The following TEX29 variants were observed in gnomAD, a reference collection of about 807,000 sequenced individuals.
TEX29 encodes testis-expressed protein 29.
Under a neutral mutation model 18.2 loss-of-function variants are expected in TEX29, and 26 were observed. The observed-to-expected ratio is 1.43, with a 90% CI of 1.04 to 1.98. The LOEUF (loss-of-function observed/expected upper bound fraction) is 1.98. Among genes scored for constraint, TEX29 ranks in the 30% most tolerant of loss-of-function variants. The pLI, the probability that TEX29 is intolerant of heterozygous loss-of-function variation, is 0.00. For synonymous variants in TEX29, 83 were observed against 78.5 expected (o/e 1.06, Z -0.31); for missense variants, 177 against 194.2 (o/e 0.91, Z 0.53).
At chr13:111,338,918 A>C (rs2093693231) in intron 3 of TEX29, among the ~76,000 whole-genome samples, 1 of 152,230 alleles carries the variant, frequency 6.6e-6, no homozygotes, top group Non-Finnish European at 1.5e-5. Flanking sequence ...GAGGGGTCCA[A>C]GTCCTGAACC....
chr13:111,326,174 C>G (rs2093672597), intron 2 of TEX29, among the ~76,000 whole-genome samples: 1 of 149,754 alleles, frequency 6.7e-6, no homozygotes, highest in Non-Finnish European at 1.5e-5. Flanking sequence ...GAGCTGGGTG[C>G]TGGCTGGTGT....
rs199521485 is a variant in TEX29, at chr13:111,339,901, G to T, written c.208G>T (p.Ala70Ser). ...HVFSALIVIIAGAFVITIIYR... is the reference protein window; with the variant it reads ...HVFSALIVIISGAFVITIIYR... Reference sequence around the variant, plus strand: ...GTTCTCTGCCTTGATTGTGATCATCGCTGGGGCCTTCGTCATCACCATCAT... The same window carrying T: ...GTTCTCTGCCTTGATTGTGATCATCTCTGGGGCCTTCGTCATCACCATCAT... Residue 70 changes from alanine to serine, a missense_variant, in exon 4 of 6, where the codon GCT (alanine) becomes TCT (serine). Physicochemically the swap from Ala to Ser is moderately conservative, Grantham distance 99. Coordinates refer to ENST00000283547, the MANE Select transcript of TEX29 (RefSeq NM_152324.3). 1 of 1,613,800 alleles carries T rather than the reference G, an allele frequency of 6.2e-7. No homozygotes were observed. Among genetic ancestry groups the T allele is most frequent in the Non-Finnish European group, 8.5e-7 (1 of 1,180,004 alleles).
upstream of TEX29, among the ~76,000 whole-genome samples, chr13:111,319,891 C>T (rs1386293923): frequency 6.6e-5 from 10 of 152,242 alleles, no homozygotes; most frequent in Non-Finnish European, 8.8e-5. Flanking sequence ...ACAAACCTCC[C>T]GACAGCCGTT....
intron 3 of TEX29, among the ~76,000 whole-genome samples, chr13:111,330,854 G>A (rs1215391041): frequency 6.6e-6 from 1 of 152,162 alleles, no homozygotes; most frequent in Non-Finnish European, 1.5e-5. Flanking sequence ...CTCAAGGTTC[G>A]TTCGTGTTGT....
upstream of TEX29, among the ~76,000 whole-genome samples, chr13:111,317,871 C>T (rs1292376290): frequency 6.6e-6 from 1 of 152,190 alleles, no homozygotes; most frequent in East Asian, 1.9e-4. Flanking sequence ...GTCCCCTCCC[C>T]GGGCCTCTGC....
At chr13:111,336,553 A>G (rs1369034487) in intron 3 of TEX29, among the ~76,000 whole-genome samples, 4 of 134,842 alleles carry the variant, frequency 3.0e-5, no homozygotes, top group African/African-American at 9.8e-5. Context: ...AAAGAGAAAG[A>G]CTTGCCTTCA....
chr13:111,339,446 G>A, intron 3 of TEX29: 1 of 432,002 alleles, frequency 2.3e-6, no homozygotes, highest in Non-Finnish European at 4.6e-6. Flanking sequence ...AGGGTCAGGA[G>A]CCAGCGCCAT....
chr13:111,336,829 C>T (rs886448081), intron 3 of TEX29, among the ~76,000 whole-genome samples: 7 of 152,164 alleles, frequency 4.6e-5, no homozygotes, highest in African/African-American at 1.4e-4. Flanking sequence ...CTGTACGGAG[C>T]GCATCATTGA....
intron 5 of TEX29, 68 bp downstream of exon 5, chr13:111,342,999 TC>T (rs1303225498): frequency 1.9e-6 from 3 of 1,545,232 alleles, no homozygotes. Flanking sequence ...CGGGAGACCT[TC>T]CCTGGGAAGG....
intron 3 of TEX29, among the ~76,000 whole-genome samples, chr13:111,329,945 C>T (rs1220597043): frequency 6.6e-6 from 1 of 152,026 alleles, no homozygotes; most frequent in African/African-American, 2.4e-5. Context: ...TAAGTAAGCC[C>T]ATAATTAAAT....
At chr13:111,318,575 G>A (rs954897010), upstream of TEX29, among the ~76,000 whole-genome samples, 9 of 152,086 alleles carry the variant, frequency 5.9e-5, no homozygotes, top group Admixed American at 2.0e-4. Flanking sequence ...GCAGCTTCCC[G>A]GTGCTGGCTC....
intron 3 of TEX29, among the ~76,000 whole-genome samples, chr13:111,330,476 G>A (rs1242528165): frequency 6.6e-6 from 1 of 152,186 alleles, no homozygotes; most frequent in Non-Finnish European, 1.5e-5. Context: ...CAGACCCCTC[G>A]CTGTCCCAGC....
chr13:111,329,241 A>C (rs1393167368), intron 3 of TEX29, among the ~76,000 whole-genome samples: 1 of 152,116 alleles, frequency 6.6e-6, no homozygotes, highest in Non-Finnish European at 1.5e-5. Flanking sequence ...GGGAGGGAAC[A>C]GTGCAGCCCT....
chr13:111,336,996 A>G (rs1397735780), intron 3 of TEX29, among the ~76,000 whole-genome samples: 1 of 152,258 alleles, frequency 6.6e-6, no homozygotes, highest in Admixed American at 6.5e-5. Context: ...AATTTATTCC[A>G]TGAGCCAAGA....
intron 2 of TEX29, among the ~76,000 whole-genome samples, chr13:111,326,398 G>C (rs1296246152): frequency 3.3e-5 from 5 of 149,878 alleles, no homozygotes; most frequent in African/African-American, 1.2e-4. Context: ...GCGTGAGGCT[G>C]TCTGGTGGGG....
upstream of TEX29, among the ~76,000 whole-genome samples, chr13:111,318,201 C>T (rs1468140141): frequency 6.6e-6 from 1 of 152,100 alleles, no homozygotes; most frequent in Non-Finnish European, 1.5e-5. Flanking sequence ...TAGCCAAGTC[C>T]GTTACAGGGT....
At chr13:111,335,681 T>C (rs2093688625) in intron 3 of TEX29, among the ~76,000 whole-genome samples, 1 of 152,242 alleles carries the variant, frequency 6.6e-6, no homozygotes, top group Non-Finnish European at 1.5e-5. Flanking sequence ...CATGTAAGGC[T>C]CCTGAAAGTG....
upstream of TEX29, among the ~76,000 whole-genome samples, chr13:111,318,909 C>G (rs1487691317): frequency 1.3e-5 from 2 of 152,232 alleles, no homozygotes; most frequent in African/African-American, 4.8e-5. Context: ...TTTGCTCACA[C>G]TTCTGGGGGC....
At chr13:111,331,322 T>C (rs1228318814) in intron 3 of TEX29, among the ~76,000 whole-genome samples, 1 of 100,320 alleles carries the variant, frequency 1.0e-5, no homozygotes, top group Non-Finnish European at 2.4e-5. Flanking sequence ...TTGCATTTTT[T>C]TTTTTTTTTT....
Sources: allele counts gnomAD v4.1 joint callset (sites outside exome capture counted in the v4.1 genomes callset), GRCh38; gene constraint gnomAD v4.1.1; transcripts MANE v1.5; gene names NCBI Gene and HGNC (gene_info 2026-07-23, HGNC 2026-07-21).